The following RSU1 variants were observed in gnomAD, a reference collection of about 807,000 sequenced individuals.
RSU1 encodes the protein rsu-1.
Under a neutral mutation model 31.1 loss-of-function variants are expected in RSU1, and 26 were observed. That is an observed-to-expected ratio of 0.84 (90% CI 0.61 to 1.16). The LOEUF (loss-of-function observed/expected upper bound fraction) is 1.16, where lower values mean the gene tolerates loss of function less well. Among genes scored for constraint, RSU1 ranks in the 50% most tolerant of loss-of-function variants. RSU1 has a pLI of 0.00. For missense variants in RSU1, 320 were observed against 339.1 expected (o/e 0.94, Z 0.44); for synonymous variants, 164 against 136.3 (o/e 1.20, Z -1.41).
At chr10:16,787,851 T>G (rs1359409688) in intron 2 of RSU1, among the ~76,000 whole-genome samples, 2 of 152,182 alleles carry the variant, frequency 1.3e-5, no homozygotes, top group Non-Finnish European at 2.9e-5. Context: ...GAAAACAAAC[T>G]AATACACCCA....
chr10:16,757,177 T>C (rs376001860), intron 4 of RSU1, among the ~76,000 whole-genome samples: 1 of 151,942 alleles, frequency 6.6e-6, no homozygotes, highest in African/African-American at 2.4e-5. Flanking sequence ...ACACTATCTT[T>C]TATCCTTTCT....
At chr10:16,612,758 C>A (rs1833915151) in intron 8 of RSU1, among the ~76,000 whole-genome samples, 2 of 152,198 alleles carry the variant, frequency 1.3e-5, no homozygotes, top group African/African-American at 4.8e-5. Flanking sequence ...GTTCGCTAGT[C>A]AGCTCTTCGT....
intron 3 of RSU1, among the ~76,000 whole-genome samples, chr10:16,767,954 G>C (rs2019393): frequency 0.36 from 54,578 of 152,044 alleles, 12,641 homozygotes; most frequent in African/African-American, 0.67. Flanking sequence ...ACAATTTTAG[G>C]TATTCCAAAA....
intron 8 of RSU1, among the ~76,000 whole-genome samples, chr10:16,646,258 G>A (rs1179604201): frequency 1.3e-5 from 2 of 151,966 alleles, no homozygotes; most frequent in Non-Finnish European, 2.9e-5. Context: ...GAGGGTTTCA[G>A]TAAAGGAGAA....
chr10:16,600,665 G>C (rs1244319713), intron 8 of RSU1, among the ~76,000 whole-genome samples: 1 of 151,664 alleles, frequency 6.6e-6, no homozygotes, highest in South Asian at 2.1e-4. Context: ...GTGCTCAAGC[G>C]ATCCTCCTGC....
intron 2 of RSU1, among the ~76,000 whole-genome samples, chr10:16,794,641 T>C (rs1837989683): frequency 1.3e-5 from 2 of 152,216 alleles, no homozygotes; most frequent in Admixed American, 6.5e-5. Flanking sequence ...GAAGTAAAGG[T>C]ATTCTAAGAT....
intron 2 of RSU1, among the ~76,000 whole-genome samples, chr10:16,804,477 T>C (rs1463253329): frequency 6.6e-6 from 1 of 152,242 alleles, no homozygotes; most frequent in African/African-American, 2.4e-5. Flanking sequence ...TTCGCCCAGA[T>C]GTGCTGAAAT....
chr10:16,729,977 G>C (rs1204322383), intron 7 of RSU1, among the ~76,000 whole-genome samples: 1 of 152,168 alleles, frequency 6.6e-6, no homozygotes, highest in Non-Finnish European at 1.5e-5. Context: ...AAGAAAAGTG[G>C]TTTATTTGGC....
chr10:16,606,338 A>G (rs1330658621), intron 8 of RSU1, among the ~76,000 whole-genome samples: 1 of 152,128 alleles, frequency 6.6e-6, no homozygotes, highest in South Asian at 2.1e-4. Context: ...GGATCTTGCT[A>G]TATTGCCCAG....
intron 8 of RSU1, among the ~76,000 whole-genome samples, chr10:16,630,885 C>T (rs1182775075): frequency 6.6e-6 from 1 of 152,152 alleles, no homozygotes; most frequent in Non-Finnish European, 1.5e-5. Flanking sequence ...AGCTCAATCC[C>T]CTCTCTAACA....
intron 8 of RSU1, among the ~76,000 whole-genome samples, chr10:16,600,375 C>T (rs912735814): frequency 3.3e-5 from 5 of 152,124 alleles, no homozygotes; most frequent in Non-Finnish European, 5.9e-5. Flanking sequence ...ACTTCGGTGA[C>T]GTGCTGTTAA....
intron 7 of RSU1, among the ~76,000 whole-genome samples, chr10:16,718,765 G>A (rs999863519): frequency 3.3e-5 from 5 of 152,036 alleles, no homozygotes; most frequent in African/African-American, 1.2e-4. Flanking sequence ...CAGATCACCT[G>A]AGGTTAGTAG....
chr10:16,733,293 C>T (rs149298092), intron 7 of RSU1, among the ~76,000 whole-genome samples: 394 of 144,020 alleles, frequency 2.7e-3, no homozygotes, highest in African/African-American at 9.7e-3. Context: ...GAGTTCAATA[C>T]CAGTCTGGCC....
intron 8 of RSU1, among the ~76,000 whole-genome samples, chr10:16,632,033 TCTCAGCATGGGCCC>T (rs896702633): frequency 3.3e-5 from 5 of 152,110 alleles, no homozygotes; most frequent in Non-Finnish European, 7.4e-5. Context: ...CCACCTCCTC[TCTCAGCATGGGCCC>T]TACCCCAGAA....
intron 8 of RSU1, among the ~76,000 whole-genome samples, chr10:16,608,782 T>TA (rs1038346669): frequency 1.3e-5 from 2 of 151,972 alleles, no homozygotes; most frequent in Non-Finnish European, 2.9e-5. Flanking sequence ...ATGAAGAGTT[T>TA]AAAGTTTAAA....
At chr10:16,677,672 G>C (rs1314533722) in intron 8 of RSU1, among the ~76,000 whole-genome samples, 1 of 151,980 alleles carries the variant, frequency 6.6e-6, no homozygotes, top group African/African-American at 2.4e-5. Flanking sequence ...ATTTTTTCTT[G>C]TTGCCCTGTC....
intron 8 of RSU1, among the ~76,000 whole-genome samples, chr10:16,641,991 A>T (rs78099736): frequency 2.0e-5 from 3 of 152,216 alleles, no homozygotes; most frequent in African/African-American, 7.2e-5. Context: ...TTTAGCGCTG[A>T]CAATCTAAGA....
At chr10:16,686,320 A>G (rs1835439570) in intron 8 of RSU1, among the ~76,000 whole-genome samples, 1 of 152,188 alleles carries the variant, frequency 6.6e-6, no homozygotes, top group African/African-American at 2.4e-5. Flanking sequence ...GCAATAATTC[A>G]TCTCAGCTGA....
chr10:16,714,660 A>G (rs1286580331), intron 7 of RSU1, among the ~76,000 whole-genome samples: 2 of 152,072 alleles, frequency 1.3e-5, no homozygotes, highest in South Asian at 2.1e-4. Context: ...CAGTCATTCC[A>G]TGTGACCTAT....
Sources: allele counts gnomAD v4.1 joint callset (sites outside exome capture counted in the v4.1 genomes callset), GRCh38; gene constraint gnomAD v4.1.1; transcripts MANE v1.5; gene names NCBI Gene and HGNC (gene_info 2026-07-23, HGNC 2026-07-21).